Variants in PHLPP1 observed in about 807,000 individuals in gnomAD.
PHLPP1 encodes the protein PH domain and leucine rich repeat protein phosphatase 1, also known as PH domain leucine-rich repeat-containing protein phosphatase 1.
Under a neutral mutation model 117.2 loss-of-function variants are expected in PHLPP1, and 42 were observed. The ratio of observed to expected loss-of-function variants is 0.36; its 90% CI spans 0.28 to 0.46. PHLPP1 has a LOEUF of 0.46. PHLPP1 is among the 20% of genes least tolerant of loss of function. The probability of loss-of-function intolerance (pLI) is 1.00; values close to 1 mark genes in which losing one functional copy is unlikely to be tolerated. For missense variants in PHLPP1, 2,084 were observed against 2,241.9 expected (o/e 0.93, Z 1.42); for synonymous variants, 1,042 against 970.7 (o/e 1.07, Z -1.37).
intron 1 of PHLPP1, among the ~76,000 whole-genome samples, chr18:62,819,082 C>T (rs1057020957): frequency 5.3e-5 from 8 of 152,160 alleles, no homozygotes; most frequent in Non-Finnish European, 2.9e-5. Context: ...GAAAGTTCAA[C>T]AACCAACTTG....
chr18:62,742,678 C>T (rs1911564603), intron 1 of PHLPP1, among the ~76,000 whole-genome samples: 1 of 152,216 alleles, frequency 6.6e-6, no homozygotes, highest in South Asian at 2.1e-4. Context: ...TTGTGATCCA[C>T]CTGGCTCGGC....
chr18:62,916,605 G>GGTGGGTGTGTGTGTGT (rs1555681661), intron 9 of PHLPP1, among the ~76,000 whole-genome samples: 1 of 145,768 alleles, frequency 6.9e-6, no homozygotes, highest in African/African-American at 2.5e-5. Context: ...CAAGAGGGTG[G>GGTGGGTGTGTGTGTGT]GTGTGTGTGT....
intron 3 of PHLPP1, among the ~76,000 whole-genome samples, chr18:62,843,964 A>G (rs1199919331): frequency 1.3e-5 from 2 of 152,204 alleles, no homozygotes; most frequent in Non-Finnish European, 2.9e-5. Context: ...ATTCTTTTCA[A>G]AGTTAGGCTT....
intron 3 of PHLPP1, among the ~76,000 whole-genome samples, chr18:62,840,199 A>C (rs919984196): frequency 5.3e-5 from 8 of 152,338 alleles, no homozygotes; most frequent in African/African-American, 1.9e-4. Context: ...CCACATTTGA[A>C]TTACCAGGTA....
chr18:62,821,548 C>CAAAAAAAAAAAAAAAAAAAAAAAGAAAA (rs1568127680), intron 1 of PHLPP1, among the ~76,000 whole-genome samples: 1 of 29,320 alleles, frequency 3.4e-5, no homozygotes, highest in Non-Finnish European at 6.4e-5. Flanking sequence ...GACCCTTTAT[C>CAAAAAAAAAAAAAAAAAAAAAAAGAAAA]CAAAAAAAAA....
intron 14 of PHLPP1, among the ~76,000 whole-genome samples, chr18:62,966,722 G>T (rs1259884405): frequency 1.3e-5 from 2 of 152,122 alleles, no homozygotes; most frequent in Non-Finnish European, 2.9e-5. Context: ...GCCCGCCTCG[G>T]CCTCCCAAAG....
At chr18:62,945,051 C>A (rs1377451296) in intron 11 of PHLPP1, 58 bp from the exon 12 acceptor site, 3 of 1,259,596 alleles carry the variant, frequency 2.4e-6, no homozygotes, top group African/African-American at 1.5e-5. Flanking sequence ...TTAATTCATC[C>A]TTTGATTCTC....
At chr18:62,789,935 G>T (rs764185285) in intron 1 of PHLPP1, among the ~76,000 whole-genome samples, 1 of 151,912 alleles carries the variant, frequency 6.6e-6, no homozygotes, top group African/African-American at 2.4e-5. Context: ...GTCATTTATC[G>T]CAGTTGAAGT....
At chr18:62,919,921 CT>C (rs1309335459) in intron 9 of PHLPP1, 37 bp from the exon 10 acceptor site, 1 of 1,492,910 alleles carries the variant, frequency 6.7e-7, no homozygotes, top group Non-Finnish European at 9.1e-7. Flanking sequence ...ATTCTTTACT[CT>C]TTTTCATTTT....
intron 11 of PHLPP1, among the ~76,000 whole-genome samples, chr18:62,943,700 G>T (rs953534195): frequency 2.0e-5 from 3 of 152,108 alleles, no homozygotes; most frequent in Non-Finnish European, 4.4e-5. Context: ...CATTCATGTG[G>T]TATCTGCCCC....
chr18:62,978,198 A>C lies in PHLPP1; in HGVS notation c.3985-64A>C. On this transcript the variant is annotated intron_variant, in intron 16 of 16. Coordinates refer to ENST00000262719, the MANE Select transcript of PHLPP1 (RefSeq NM_194449.4). The surrounding 1 kb of genome is among the most constrained non-coding windows in gnomAD (Gnocchi z 7.0). ...CGAGACAGTCGAGGGACCCGCAGGG[A>C]ACCTGCACAGTTGCCGCAGGTGCTC... 1 of 946,286 alleles carries C rather than the reference A, an allele frequency of 1.1e-6. No individual in the cohort carries two copies. The allele number at this position is 946,286 out of a possible 1,614,324, so 58.6% of individuals were successfully genotyped here.
chr18:62,955,754 A>G (rs770804141), intron 12 of PHLPP1, among the ~76,000 whole-genome samples: 22 of 152,344 alleles, frequency 1.4e-4, no homozygotes, highest in Non-Finnish European at 1.9e-4. Flanking sequence ...ATAAAATTCA[A>G]TATTTCTGCA....
chr18:62,941,961 A>G, intron 11 of PHLPP1, 43 bp downstream of exon 11: 1 of 1,469,006 alleles, frequency 6.8e-7, no homozygotes, highest in Non-Finnish European at 9.5e-7. Flanking sequence ...TGCATTTCTC[A>G]AAGTGTATTC....
chr18:62,883,305 T>A (rs1441332203), intron 4 of PHLPP1, among the ~76,000 whole-genome samples: 1 of 152,112 alleles, frequency 6.6e-6, no homozygotes, highest in Non-Finnish European at 1.5e-5. Flanking sequence ...TGGGAGGGCG[T>A]GTTTGTAGCA....
At chr18:62,882,509 T>C (rs1259858703) in intron 4 of PHLPP1, among the ~76,000 whole-genome samples, 1 of 152,188 alleles carries the variant, frequency 6.6e-6, no homozygotes, top group Non-Finnish European at 1.5e-5. Context: ...TCTGCCTGCC[T>C]CGGCCTCCCA....
intron 12 of PHLPP1, among the ~76,000 whole-genome samples, chr18:62,948,920 A>G (rs1438706504): frequency 6.6e-6 from 1 of 152,192 alleles, no homozygotes; most frequent in Non-Finnish European, 1.5e-5. Context: ...GCGTATCTTA[A>G]ATGATAAATA....
intron 1 of PHLPP1, among the ~76,000 whole-genome samples, chr18:62,770,171 C>T (rs188413225): frequency 6.6e-6 from 1 of 152,292 alleles, no homozygotes; most frequent in Non-Finnish European, 1.5e-5. Context: ...AGTGCACTGG[C>T]ATGATCTTGG....
chr18:62,863,542 G>A (rs760299513), intron 4 of PHLPP1, among the ~76,000 whole-genome samples: 2 of 152,120 alleles, frequency 1.3e-5, no homozygotes, highest in Admixed American at 6.6e-5. Flanking sequence ...ATAATCAGTG[G>A]GGTAGATTAT....
intron 1 of PHLPP1, among the ~76,000 whole-genome samples, chr18:62,756,336 T>A (rs1375047978): frequency 6.6e-6 from 1 of 152,136 alleles, no homozygotes; most frequent in Non-Finnish European, 1.5e-5. Flanking sequence ...ACCAGGGAGC[T>A]AGGAAGGATA....
Sources: allele counts gnomAD v4.1 joint callset (sites outside exome capture counted in the v4.1 genomes callset), GRCh38; gene constraint gnomAD v4.1.1; non-coding constraint Gnocchi (gnomAD v3.1); transcripts MANE v1.5; gene names NCBI Gene and HGNC (gene_info 2026-07-23, HGNC 2026-07-21).